MBD5: variants seen among roughly 807,000 people sequenced by gnomAD.
The protein encoded by MBD5 is methyl-CpG-binding domain protein 5.
In MBD5, 13 loss-of-function variants were observed where a neutral mutation model predicts 117.3. That is an observed-to-expected ratio of 0.11 (90% confidence interval 0.07 to 0.18). The LOEUF is 0.18. Ranked by LOEUF, MBD5 falls within the 10% of genes least tolerant of loss-of-function variation. MBD5 has a pLI of 1.00. For missense variants in MBD5, 1,879 were observed against 2,093.8 expected (o/e 0.90, Z 2.00); for synonymous variants, 727 against 766.4 (o/e 0.95, Z 0.85).
intron 1 of MBD5, among the ~76,000 whole-genome samples, chr2:148,153,239 C>G (rs1415039265): frequency 3.3e-5 from 5 of 151,584 alleles, no homozygotes; most frequent in Non-Finnish European, 5.9e-5. Context: ...GTTGAAAATT[C>G]TTTTCTTTAA....
chr2:148,410,959 G>T (rs1705228623), intron 4 of MBD5, among the ~76,000 whole-genome samples: 1 of 152,066 alleles, frequency 6.6e-6, no homozygotes, highest in Non-Finnish European at 1.5e-5. Context: ...TCATCAGCCA[G>T]GTAATAACCA....
At chr2:148,336,818 G>A (rs1359816826) in intron 3 of MBD5, among the ~76,000 whole-genome samples, 1 of 152,106 alleles carries the variant, frequency 6.6e-6, no homozygotes, top group East Asian at 1.9e-4. Context: ...TTGGCCCTTG[G>A]CCTTTTGGTA....
chr2:148,184,999 A>G (rs186967155), intron 2 of MBD5, among the ~76,000 whole-genome samples: 22 of 152,340 alleles, frequency 1.4e-4, no homozygotes, highest in Non-Finnish European at 2.4e-4. Flanking sequence ...AGAAATTACT[A>G]CCTAAGGTTA....
At chr2:148,312,815 A>G (rs1702064902) in intron 3 of MBD5, among the ~76,000 whole-genome samples, 2 of 151,936 alleles carry the variant, frequency 1.3e-5, no homozygotes, top group Non-Finnish European at 2.9e-5. Context: ...GATGTTGGTG[A>G]CCTTCAAATG....
intron 2 of MBD5, among the ~76,000 whole-genome samples, chr2:148,229,355 C>G (rs543066703): frequency 6.6e-6 from 1 of 152,022 alleles, no homozygotes; most frequent in African/African-American, 2.4e-5. Context: ...TTATTTCAAT[C>G]TCTTTGTTAA....
intron 11 of MBD5, among the ~76,000 whole-genome samples, chr2:148,497,849 T>G (rs1284610297): frequency 6.6e-6 from 1 of 151,912 alleles, no homozygotes; most frequent in African/African-American, 2.4e-5. Context: ...ACCTAAATAA[T>G]TTTACATACC....
chr2:148,446,602 C>CTGTGTGTGTGTGTG (rs1185100489), intron 4 of MBD5, among the ~76,000 whole-genome samples: 3,482 of 148,838 alleles, frequency 0.023, 75 homozygotes, highest in African/African-American at 0.049. Context: ...GATTATTTAT[C>CTGTGTGTGTGTGTG]TGTGTGTGTG....
chr2:148,317,165 A>G (rs1193843220), intron 3 of MBD5, among the ~76,000 whole-genome samples: 2 of 152,180 alleles, frequency 1.3e-5, no homozygotes, highest in African/African-American at 2.4e-5. Flanking sequence ...CCTGACCAAT[A>G]TGGAGAAACC....
chr2:148,425,554 G>A (rs1024726218), intron 4 of MBD5, among the ~76,000 whole-genome samples: 1 of 152,146 alleles, frequency 6.6e-6, no homozygotes, highest in African/African-American at 2.4e-5. Flanking sequence ...GCATCATCCT[G>A]ATACCAAAAC....
rs1559095694 is a variant in MBD5 at position 148,483,989 on chromosome 2, C to T, written c.3398C>T (p.Thr1133Ile). The T allele has an allele frequency of 1.9e-6, 3 of 1,550,538 alleles. No individual in the cohort carries two copies. The highest frequency in any genetic ancestry group is 2.4e-5 in the East Asian group (1 of 40,918). The change falls in exon 9 of 14, where the codon ACA becomes ATA. Residue 1133 changes from threonine to isoleucine, a missense_variant. This residue lies in a region of MBD5 where 1,666 missense variants were observed against 1,792.2 expected (regional missense o/e 0.93). Transcript: ENST00000642680. The part of the protein sequence containing the change: ...SSAVAALTVS[T>I]LGGTAVVSMA... ...GCAGTGGCAGCACTGACTGTCTCAA[C>T]ACTTGGTGGGACAGCAGTGGTGTCA...
chr2:148,414,584 C>T (rs566397172), intron 4 of MBD5, among the ~76,000 whole-genome samples: 39 of 152,162 alleles, frequency 2.6e-4, no homozygotes, highest in Non-Finnish European at 5.2e-4. Flanking sequence ...ACTATTATAG[C>T]GTGGGACTCT....
intron 1 of MBD5, among the ~76,000 whole-genome samples, chr2:148,130,601 C>T (rs1362091575): frequency 6.6e-6 from 1 of 150,716 alleles, no homozygotes; most frequent in African/African-American, 2.4e-5. Flanking sequence ...ACCTATCTCA[C>T]AGACCGGTTA....
At chr2:148,345,419 A>ATATATACACATATGCATATG (rs1703076253) in intron 4 of MBD5, among the ~76,000 whole-genome samples, 1 of 131,186 alleles carries the variant, frequency 7.6e-6, no homozygotes, top group African/African-American at 3.7e-5. Flanking sequence ...ATACATATAC[A>ATATATACACATATGCATATG]TATATACACA....
In MBD5 at chr2:148,195,107, C is replaced by A. The variant is rs561883713; in HGVS notation, c.-831+16314C>A. On this transcript the variant is annotated intron_variant, in intron 2 of 13. Transcript: ENST00000642680. ...AATAAAACTTTATTTGCAAAATAAG[C>A]AATTGGCTTTTTGTAGGGGGTTAGA... Among the ~76,000 whole-genome samples the A allele has an allele frequency of 1.3e-3, 185 of 140,564 alleles. 1 individual carries two copies. The highest frequency in any genetic ancestry group is 5.4e-3 in the African/African-American group (166 of 30,666). The allele number at this position is 140,564 out of a possible 152,430, so 92.2% of individuals were successfully genotyped here.
chr2:148,389,553 T>C (rs1333514943), intron 4 of MBD5, among the ~76,000 whole-genome samples: 1 of 151,998 alleles, frequency 6.6e-6, no homozygotes, highest in East Asian at 1.9e-4. Context: ...CCACCAACAG[T>C]GTATAAGCAT....
At chr2:148,154,876 A>G (rs1027902106) in intron 1 of MBD5, among the ~76,000 whole-genome samples, 2 of 152,202 alleles carry the variant, frequency 1.3e-5, no homozygotes, top group African/African-American at 4.8e-5. Context: ...ATGGAAATGC[A>G]GAAATCACCC....
chr2:148,317,912 T>C (rs1236146125), intron 3 of MBD5, among the ~76,000 whole-genome samples: 1 of 152,224 alleles, frequency 6.6e-6, no homozygotes, highest in Admixed American at 6.5e-5. Context: ...AGTGCTGCAA[T>C]GAACACGAGT....
intron 1 of MBD5, among the ~76,000 whole-genome samples, chr2:148,059,203 C>A (rs1694958409): frequency 6.6e-6 from 1 of 151,918 alleles, no homozygotes; most frequent in African/African-American, 2.4e-5. Context: ...GATAGTCTAA[C>A]ATCATTTATA....
At chr2:148,414,971 G>A (rs756720682) in intron 4 of MBD5, among the ~76,000 whole-genome samples, 1 of 152,132 alleles carries the variant, frequency 6.6e-6, no homozygotes, top group Non-Finnish European at 1.5e-5. Flanking sequence ...TTCAAGGTCA[G>A]TATTGATGTG....
Sources: allele counts gnomAD v4.1 joint callset (sites outside exome capture counted in the v4.1 genomes callset), GRCh38; gene constraint gnomAD v4.1.1; regional missense constraint gnomAD v4.1.1; transcripts MANE v1.5; gene names NCBI Gene and HGNC (gene_info 2026-07-23, HGNC 2026-07-21).